Variants in GALNT9 observed in about 807,000 individuals in gnomAD.
GALNT9 encodes GalNAc transferase 9.
In GALNT9, 47 loss-of-function variants were observed where a neutral mutation model predicts 63.1. That is an observed-to-expected ratio of 0.75 (90% CI 0.59 to 0.95). The LOEUF (loss-of-function observed/expected upper bound fraction) is 0.95. Ranked by LOEUF, GALNT9 falls within the 40% of genes least tolerant of loss-of-function variation. The pLI is 0.00. For synonymous variants in GALNT9, 396 were observed against 365.7 expected, an observed-to-expected ratio of 1.08 and a Z score of -0.94; for missense variants, 829 against 874.8, an observed-to-expected ratio of 0.95 and a Z score of 0.66.
chr12:132,272,469 G>T (rs1879906822), intron 2 of GALNT9, among the ~76,000 whole-genome samples: 1 of 152,228 alleles, frequency 6.6e-6, no homozygotes, highest in Non-Finnish European at 1.5e-5. Context: ...GGAAGTGCCT[G>T]GGCAGGTTGC....
At chr12:132,302,670 G>C (rs1255215888) in intron 1 of GALNT9, among the ~76,000 whole-genome samples, 1 of 152,350 alleles carries the variant, frequency 6.6e-6, no homozygotes, top group Admixed American at 6.5e-5. Context: ...GCCCAGGGCA[G>C]CCGCTTCCAC....
chr12:132,262,502 C>T lies in GALNT9; in HGVS notation c.543G>A (p.Gln181=). Residue 181 remains glutamine, a synonymous_variant, in exon 3 of 11, where the codon CAG becomes CAA. Coordinates refer to ENST00000328957, the MANE Select transcript of GALNT9 (RefSeq NM_001122636.2). ...VHSVVNHTPS[Q]LLKEVILVDD... ...CCACCAGGATGACCTCCTTGAGGAG[C>T]TGGGAGGGCGTGTGGTTGACCACGC... 1 of 1,551,256 alleles carries T rather than the reference C, an allele frequency of 6.4e-7. No individual in the cohort carries two copies. The highest frequency in any genetic ancestry group is 8.7e-7 in the Non-Finnish European group (1 of 1,146,858).
At chr12:132,312,836 A>C (rs1323815926) in intron 1 of GALNT9, among the ~76,000 whole-genome samples, 3 of 152,160 alleles carry the variant, frequency 2.0e-5, no homozygotes, top group African/African-American at 7.2e-5. Flanking sequence ...CCCAGGGTGG[A>C]TCCCCTTCTG....
At chr12:132,303,683 A>G (rs372421057) in intron 1 of GALNT9, among the ~76,000 whole-genome samples, 3 of 20,666 alleles carry the variant, frequency 1.5e-4, no homozygotes, top group Admixed American at 1.1e-3. Context: ...GCACAGCCTC[A>G]CCCGGGCACA....
chr12:132,261,718 G>T (rs1879394504), intron 3 of GALNT9, among the ~76,000 whole-genome samples: 1 of 152,276 alleles, frequency 6.6e-6, no homozygotes, highest in South Asian at 2.1e-4. Context: ...TCCACGAGGG[G>T]TCAGGAAGGG....
chr12:132,203,447 G>T lies in GALNT9; in HGVS notation c.1263+58C>A. On this transcript the variant is annotated intron_variant, in intron 7 of 10. Transcript: ENST00000328957. Reference sequence around the variant, plus strand: ...GGCCTCCCTCCGGCCCAGCCCTGCCGTGGCATTGACCCCGACCCTGGGGCA... The same window carrying T: ...GGCCTCCCTCCGGCCCAGCCCTGCCTTGGCATTGACCCCGACCCTGGGGCA... 1.9e-6 allele frequency: 3 copies of T among 1,562,066 alleles called. No individual in the cohort carries two copies. In the East Asian group the frequency reaches 6.8e-5, roughly 35 times the overall value.
At chr12:132,328,210 C>T (rs186299478) in intron 1 of GALNT9, among the ~76,000 whole-genome samples, 2 of 152,290 alleles carry the variant, frequency 1.3e-5, no homozygotes, top group East Asian at 1.9e-4. Context: ...GTGGTGATGC[C>T]GGTGCTGCTC....
rs1433641886 is a variant in GALNT9 at position 132,197,118 on chromosome 12, CGT to C, written c.1799_1800del (p.His600ArgfsTer56). 6.2e-7 allele frequency: 1 copy of C among 1,614,026 alleles called. No individual in the cohort carries two copies. Among genetic ancestry groups the C allele is most frequent in the African/African-American group, 1.3e-5 (1 of 74,944 alleles). ...QKWMIRNWIK[H>X]ARH is the part of the protein sequence containing the mutation. ...GGGCGGAGGTGGGGTCAGTGCCGTG[CGT>C]GTTTGATCCAGTTTCTGATCATCCA... On this transcript the variant is annotated frameshift_variant, in exon 11 of 11. Coordinates refer to ENST00000328957, the MANE Select transcript of GALNT9 (RefSeq NM_001122636.2). LOFTEE classifies it high-confidence loss of function.
At chr12:132,247,556 A>T in intron 6 of GALNT9, 1 of 490,942 alleles carries the variant, frequency 2.0e-6, no homozygotes, top group Admixed American at 2.3e-5. Context: ...CCTGGACCTC[A>T]CCCTGTCCCT....
chr12:132,249,485 T>C (rs1701602782), intron 5 of GALNT9, among the ~76,000 whole-genome samples: 2 of 152,378 alleles, frequency 1.3e-5, no homozygotes, highest in South Asian at 2.1e-4. Flanking sequence ...AAGATCCAAT[T>C]TGTTCTGTCA....
intron 1 of GALNT9, among the ~76,000 whole-genome samples, chr12:132,324,395 C>G (rs1247543870): frequency 6.6e-6 from 1 of 152,182 alleles, no homozygotes; most frequent in Non-Finnish European, 1.5e-5. Flanking sequence ...ACCTGGCCCT[C>G]ACTCATCACG....
In GALNT9 at chr12:132,319,096, G is replaced by A. The variant is rs916302254; in HGVS notation, c.238+9870C>T. ...CCGAGCCACCAAGCCTGCAGCGTGCGTGCCTTCATGTGAGGTGTGCTCCCC... is the reference window on the plus strand; with the variant it reads ...CCGAGCCACCAAGCCTGCAGCGTGCATGCCTTCATGTGAGGTGTGCTCCCC... On this transcript the variant is annotated intron_variant, in intron 1 of 10. Coordinates refer to ENST00000328957, the MANE Select transcript of GALNT9 (RefSeq NM_001122636.2). This position sits in a 1 kb window ranked among gnomAD's most constrained non-coding sequence, Gnocchi z 5.2. Among the ~76,000 whole-genome samples, 9 of 152,158 alleles carry A rather than the reference G, an allele frequency of 5.9e-5. No homozygotes were observed. The highest frequency in any genetic ancestry group is 7.4e-5 in the Non-Finnish European group (5 of 68,020).
At chr12:132,290,623 ACAGTG>A in intron 1 of GALNT9, among the ~76,000 whole-genome samples, 1 of 135,480 alleles carries the variant, frequency 7.4e-6, no homozygotes, top group East Asian at 2.2e-4. Flanking sequence ...ACCCACAACC[ACAGTG>A]CCCACGTCCA....
intron 1 of GALNT9, among the ~76,000 whole-genome samples, chr12:132,305,055 A>C (rs1362052854): frequency 1.0e-3 from 20 of 20,036 alleles, no homozygotes; most frequent in East Asian, 2.1e-3. Flanking sequence ...CCGGGCACAG[A>C]ATCGCCCAGA....
chr12:132,297,556 C>G (rs1300568581), intron 1 of GALNT9, among the ~76,000 whole-genome samples: 1 of 151,314 alleles, frequency 6.6e-6, no homozygotes, highest in Admixed American at 6.6e-5. Context: ...GATAAACAAG[C>G]CACTCCTGAG....
intron 6 of GALNT9, among the ~76,000 whole-genome samples, chr12:132,215,257 G>A (rs1478164038): frequency 6.6e-6 from 1 of 152,258 alleles, no homozygotes; most frequent in Non-Finnish European, 1.5e-5. Context: ...CAGGCTCTCA[G>A]GGACAAAAGT....
intron 1 of GALNT9, among the ~76,000 whole-genome samples, chr12:132,292,389 C>T (rs1593109331): frequency 6.6e-6 from 1 of 152,188 alleles, no homozygotes; most frequent in Non-Finnish European, 1.5e-5. Context: ...CCCTCCCCAT[C>T]CCCGCAATGA....
chr12:132,197,284 G>C (rs1220324383), intron 10 of GALNT9, 31 bp from the exon 11 acceptor site: 1 of 1,604,876 alleles, frequency 6.2e-7, no homozygotes, highest in Non-Finnish European at 8.5e-7. Context: ...AGTCAGCCAG[G>C]TGCAGGCGTC....
chr12:132,262,367 C>T lies in GALNT9; in HGVS notation c.586+92G>A, dbSNP rs1214886233. 20 of 1,443,830 alleles carry T rather than the reference C, an allele frequency of 1.4e-5. No homozygotes were observed. The East Asian group carries it at 2.0e-4, about 14-fold the overall frequency. The allele number at this position is 1,443,830 out of a possible 1,614,324, so 89.4% of individuals were successfully genotyped here. ...GGACAGATGGGGTGCAGTCCTCTGT[C>T]GCTCTGCCCCCGGAGGCTCCACCCA... On this transcript the variant is annotated intron_variant, in intron 3 of 10. Transcript: ENST00000328957.
Sources: gnomAD v4.1 joint callset for allele counts (sites outside exome capture counted in the v4.1 genomes callset) on GRCh38, gnomAD v4.1.1 for gene constraint, Gnocchi (gnomAD v3.1) non-coding constraint, MANE v1.5 for transcripts, NCBI Gene and HGNC (gene_info 2026-07-23, HGNC 2026-07-21) for gene names.